Variants in TRIM50 observed in about 807,000 individuals in gnomAD.
TRIM50 encodes E3 ubiquitin-protein ligase TRIM50.
Under a neutral mutation model 44.9 loss-of-function variants are expected in TRIM50, and 34 were observed. That is an observed-to-expected ratio of 0.76 (90% CI 0.58 to 1.01). The LOEUF (loss-of-function observed/expected upper bound fraction) is 1.01, where lower values mean the gene tolerates loss of function less well. Among genes scored for constraint, TRIM50 ranks in the 50% least tolerant of loss-of-function variants. The pLI, the probability that TRIM50 is intolerant of heterozygous loss-of-function variation, is 0.00. For missense variants in TRIM50, 633 were observed against 663.7 expected (o/e 0.95, Z 0.51); for synonymous variants, 307 against 291.1 (o/e 1.05, Z -0.56).
At chr7:73,314,641 G>T in intron 6 of TRIM50, 1 of 233,894 alleles carries the variant, frequency 4.3e-6, no homozygotes, top group South Asian at 4.8e-5. Flanking sequence ...TTGAGGCCAG[G>T]AGTTTGCAAG....
At chr7:73,319,161 T>G in intron 3 of TRIM50, 109 bp from the exon 4 acceptor site, 10 of 1,553,120 alleles carry the variant, frequency 6.4e-6, no homozygotes, top group Non-Finnish European at 7.9e-6. Context: ...TCCTGGGACC[T>G]GAGTCTCAGG....
At chr7:73,319,119 C>T (rs1280579936) in intron 3 of TRIM50, 67 bp from the exon 4 acceptor site, 41 of 1,612,588 alleles carry the variant, frequency 2.5e-5, no homozygotes, top group Admixed American at 1.2e-4. Context: ...TGGCTGGCCT[C>T]GGTGTCCCCA....
Position 73,313,227 on chromosome 7 carries a change from C to G in TRIM50, c.1158G>C (p.Leu386=), listed in dbSNP as rs1554543407. 6.3e-7 allele frequency: 1 copy of G among 1,594,148 alleles called. No homozygotes were observed. Among genetic ancestry groups the G allele is most frequent in the Admixed American group, 1.8e-5 (1 of 56,794 alleles). ...LNRSPEHGVW[L]IGLKEGRVYE... ...ACACCCGGCCCTCCTTCAGGCCGAT[C>G]AGCCACACGCCGTGCTCGGGGGACC... is the stretch of plus-strand genomic sequence containing the variant. The change falls in exon 7 of 7, where the codon CTG becomes CTC. Residue 386 remains leucine (L), a synonymous_variant. Coordinates refer to ENST00000333149, the MANE Select transcript of TRIM50 (RefSeq NM_178125.3). The surrounding 1 kb of genome is among the most constrained non-coding windows in gnomAD (Gnocchi z 4.9).
chr7:73,313,200 G>C lies in TRIM50; in HGVS notation c.1185C>G (p.Tyr395Ter). ...GTACCCGGGGGCAGGCAAAGGCTTCGTACACCCGGCCCTCCTTCAGGCCGA... is the reference window on the plus strand; with the variant it reads ...GTACCCGGGGGCAGGCAAAGGCTTCCTACACCCGGCCCTCCTTCAGGCCGA... ...WLIGLKEGRV[Y>*]EAFACPRVPL... The change falls in exon 7 of 7, where the codon TAC (tyrosine) becomes TAG (stop). Residue 395 changes from tyrosine (Y) to a stop codon, truncating the protein, a stop_gained. Transcript: ENST00000333149. LOFTEE classifies it high-confidence loss of function. The surrounding 1 kb of genome is among the most constrained non-coding windows in gnomAD (Gnocchi z 4.9). The C allele has an allele frequency of 6.3e-7, 1 of 1,590,406 alleles. No homozygotes were observed. The highest frequency in any genetic ancestry group is 8.6e-7 in the Non-Finnish European group (1 of 1,168,832).
rs1261962546 is a variant in TRIM50, at chr7:73,313,841, C to A, written c.875-331G>T. Among the ~76,000 whole-genome samples, 1 of 152,112 alleles carries A rather than the reference C, an allele frequency of 6.6e-6. No individual in the cohort carries two copies. Among genetic ancestry groups the A allele is most frequent in the East Asian group, 1.9e-4 (1 of 5,192 alleles). ...GCTGGAGAAAGAAATGGACACTGGG[C>A]TCGGGGTTCTGGCCTGCCTGCCTGA... is the stretch of plus-strand genomic sequence containing the variant. On this transcript the variant is annotated intron_variant, in intron 6 of 6. Coordinates refer to ENST00000333149, the MANE Select transcript of TRIM50 (RefSeq NM_178125.3). This position sits in a 1 kb window ranked among gnomAD's most constrained non-coding sequence, Gnocchi z 4.9.
At position 73,313,413 on chromosome 7, in the gene TRIM50, C is replaced by T; in HGVS notation, c.972G>A (p.Arg324=). 6.4e-7 allele frequency: 1 copy of T among 1,574,184 alleles called. No homozygotes were observed. The highest frequency in any genetic ancestry group is 8.6e-7 in the Non-Finnish European group (1 of 1,164,284). ...CGAAGCGCTCAGGCTGGCTGGCTCG[C>T]CGCTGGGCCAGAAGCCCGCACTGCA... is the stretch of plus-strand genomic sequence containing the variant. ...TVVQCGLLAQ[R]RASQPERFDY... Residue 324 remains arginine (R), a synonymous_variant, in exon 7 of 7, where the codon CGG becomes CGA. Transcript: ENST00000333149. The surrounding 1 kb of genome is among the most constrained non-coding windows in gnomAD (Gnocchi z 4.9).
chr7:73,312,959 G>A lies in TRIM50; in HGVS notation c.1426C>T (p.Pro476Ser). The A allele has an allele frequency of 6.5e-7, 1 of 1,549,834 alleles. No individual in the cohort carries two copies. Among genetic ancestry groups the A allele is most frequent in the South Asian group, 1.2e-5 (1 of 83,964 alleles). The change falls in exon 7 of 7, where the codon CCT (proline) becomes TCT (serine). Residue 476 changes from proline (P) to serine (S), a missense_variant. Pro to Ser is a moderately conservative substitution (Grantham distance 74). Transcript: ENST00000333149. Reference protein sequence around the residue: ...LPMVLPPPSGPGPLSPEQPTK... With the variant: ...LPMVLPPPSGSGPLSPEQPTK... ...GGCTGCTCGGGGCTGAGGGGGCCAGGCCCGCTGGGCGGGGGCAGCACCATG... is the reference window on the plus strand; with the variant it reads ...GGCTGCTCGGGGCTGAGGGGGCCAGACCCGCTGGGCGGGGGCAGCACCATG...
chr7:73,313,562 C>G lies in TRIM50; in HGVS notation c.875-52G>C. On this transcript the variant is annotated intron_variant, in intron 6 of 6. Transcript: ENST00000333149. This position sits in a 1 kb window ranked among gnomAD's most constrained non-coding sequence, Gnocchi z 4.9. ...TGAGGCCACGTGGAGGGCAGCAGAC[C>G]CGGCCCACAGAAGCTGATGGAGGCC... is the stretch of plus-strand genomic sequence containing the variant. 7.1e-7 allele frequency: 1 copy of G among 1,412,428 alleles called. No homozygotes were observed. Among genetic ancestry groups the G allele is most frequent in the African/African-American group, 1.4e-5 (1 of 69,438 alleles). 87.5% of individuals were successfully genotyped at this position (1,412,428 alleles called of 1,614,324 possible). A position where few individuals can be genotyped will look rare whatever the true frequency, so the allele number is the denominator to read the frequency against.
chr7:73,314,680 G>A (rs770134026), intron 6 of TRIM50: 9 of 225,208 alleles, frequency 4.0e-5, no homozygotes, highest in African/African-American at 7.1e-5. Flanking sequence ...GAAAAACCCC[G>A]TCTCTACTAA....
chr7:73,320,697 CA>C (rs1320369389), intron 2 of TRIM50, among the ~76,000 whole-genome samples: 6 of 149,272 alleles, frequency 4.0e-5, no homozygotes, highest in Non-Finnish European at 8.9e-5. Context: ...GACTCTGTCT[CA>C]AAAAAATAAA....
intron 1 of TRIM50, chr7:73,325,451 C>T (rs3108462): frequency 0.12 from 18,901 of 154,094 alleles, 1,080 homozygotes; most frequent in Middle Eastern, 0.17. Context: ...CGGGGGAGCC[C>T]GACATTGGAA....
chr7:73,314,142 G>T, intron 6 of TRIM50: 1 of 375,272 alleles, frequency 2.7e-6, no homozygotes, highest in Non-Finnish European at 4.9e-6. Flanking sequence ...GGAAGAAGGT[G>T]GCTCCGGCCC....
chr7:73,324,320 T>G, intron 2 of TRIM50, 69 bp downstream of exon 2: 1 of 1,607,342 alleles, frequency 6.2e-7, no homozygotes, highest in Non-Finnish European at 8.5e-7. Flanking sequence ...TGCCAGGTGA[T>G]GGCACCAGAG....
chr7:73,321,623 C>T (rs1456449254), intron 2 of TRIM50, among the ~76,000 whole-genome samples: 1 of 152,168 alleles, frequency 6.6e-6, no homozygotes, highest in Admixed American at 6.5e-5. Context: ...CAACCGGGAC[C>T]CCTGGACCAC....
intron 2 of TRIM50, among the ~76,000 whole-genome samples, chr7:73,321,067 C>G (rs369984847): frequency 2.6e-5 from 4 of 151,528 alleles, no homozygotes; most frequent in South Asian, 2.1e-4. Context: ...CACAATGGCT[C>G]GTGCCTGTAA....
chr7:73,325,805 C>T (rs1435734556), intron 1 of TRIM50, among the ~76,000 whole-genome samples: 2 of 151,812 alleles, frequency 1.3e-5, no homozygotes, highest in East Asian at 3.9e-4. Context: ...CACCTCATGA[C>T]CCCAACAGGA....
At chr7:73,319,379 GA>G (rs1323992749) in intron 3 of TRIM50, among the ~76,000 whole-genome samples, 5 of 152,006 alleles carry the variant, frequency 3.3e-5, no homozygotes, top group African/African-American at 1.2e-4. Context: ...CTGTAGCCTT[GA>G]CCTCCCAGCC....
chr7:73,314,850 A>AT, intron 6 of TRIM50: 2 of 185,360 alleles, frequency 1.1e-5, no homozygotes, highest in Non-Finnish European at 2.2e-5. Context: ...TGTCTCAAAA[A>AT]AAAAAAAAAA....
In TRIM50 at chr7:73,324,724, C is replaced by A; in HGVS notation, c.64G>T (p.Val22Phe). The A allele has an allele frequency of 6.2e-7, 1 of 1,614,204 alleles. No homozygotes were observed. The highest frequency in any genetic ancestry group is 8.5e-7 in the Non-Finnish European group (1 of 1,180,040). ...TGCAGCATCAGGGGCTCCTTGAAGA[C>A]CTCCAGGCAGATGGGACACTGAAGC... ...DRLQCPICLE[V>F]FKEPLMLQCG... Residue 22 changes from valine to phenylalanine, a missense_variant, in exon 2 of 7, where the codon GTC (valine) becomes TTC (phenylalanine). Transcript: ENST00000333149.
Sources: gnomAD v4.1 joint callset for allele counts (sites outside exome capture counted in the v4.1 genomes callset) on GRCh38, gnomAD v4.1.1 for gene constraint, Gnocchi (gnomAD v3.1) non-coding constraint, MANE v1.5 for transcripts, NCBI Gene and HGNC (gene_info 2026-07-23, HGNC 2026-07-21) for gene names.